UNC13D: variants seen among roughly 807,000 people sequenced by gnomAD.
The protein encoded by UNC13D is protein unc-13 homolog D.
UNC13D carries 115 observed loss-of-function variants against 151.7 expected under a neutral mutation model. That is an observed-to-expected ratio of 0.76 (90% confidence interval 0.65 to 0.88). UNC13D has a LOEUF of 0.88. Ranked by LOEUF, UNC13D falls within the 40% of genes least tolerant of loss-of-function variation. UNC13D has a pLI of 0.00. For synonymous variants in UNC13D, 588 were observed against 612.2 expected (o/e 0.96, Z 0.58); for missense variants, 1,369 against 1,438.7 (o/e 0.95, Z 0.78).
At chr17:75,828,667 C>T in intron 31 of UNC13D, 120 bp downstream of exon 31, 1 of 1,156,872 alleles carries the variant, frequency 8.6e-7, no homozygotes, top group Non-Finnish European at 1.2e-6. Flanking sequence ...CCGTGGCTGT[C>T]CCACTGGCTC....
In UNC13D at chr17:75,833,962, G is replaced by A. The variant is rs1296354586; in HGVS notation, c.2367+113C>T. The stretch of plus-strand genomic sequence containing the variant: ...AGGAGGAAACTGAGGCCCAGGGAGA[G>A]AACATGCTTTGCCTGGTCTGGGGGA... On this transcript the variant is annotated intron_variant, in intron 24 of 31. Coordinates refer to ENST00000207549, the MANE Select transcript of UNC13D (RefSeq NM_199242.3). The surrounding 1 kb of genome is among the most constrained non-coding windows in gnomAD (Gnocchi z 4.0). 3 of 1,369,010 alleles carry A rather than the reference G, an allele frequency of 2.2e-6. No individual in the cohort carries two copies. Among genetic ancestry groups the A allele is most frequent in the Middle Eastern group, 1.8e-4 (1 of 5,614 alleles). The allele number at this position is 1,369,010 out of a possible 1,614,324, so 84.8% of individuals were successfully genotyped here. A position where few individuals can be genotyped will look rare whatever the true frequency, so the allele number is the denominator to read the frequency against.
chr17:75,838,499 G>A (rs1599410738), intron 12 of UNC13D, among the ~76,000 whole-genome samples: 2 of 151,984 alleles, frequency 1.3e-5, no homozygotes, highest in East Asian at 1.9e-4. Context: ...GATTCCAGGC[G>A]CGAGCCACCG....
At position 75,833,018 on chromosome 17, in the gene UNC13D, C is replaced by T. The variant is rs1442019004; in HGVS notation, c.2395G>A (p.Glu799Lys). 3 of 1,605,162 alleles carry T rather than the reference C, an allele frequency of 1.9e-6. No homozygotes were observed. Among genetic ancestry groups the T allele is most frequent in the Non-Finnish European group, 2.5e-6 (3 of 1,176,726 alleles). ...DAILPLMKFLEVELCYMNTNL... is the reference protein window; with the variant it reads ...DAILPLMKFLKVELCYMNTNL... Reference sequence around the variant, plus strand: ...GTGTTCATGTAGCAAAGCTCCACCTCCAGGAACTTCATCAGGGGCAGAATG... The same window carrying T: ...GTGTTCATGTAGCAAAGCTCCACCTTCAGGAACTTCATCAGGGGCAGAATG... The change falls in exon 25 of 32, where the codon GAG becomes AAG. Residue 799 changes from glutamate to lysine, a missense_variant. Transcript: ENST00000207549. The surrounding 1 kb of genome is among the most constrained non-coding windows in gnomAD (Gnocchi z 4.0).
chr17:75,835,913 G>A lies in UNC13D; in HGVS notation c.1545-7C>T. On this transcript the variant is annotated splice_polypyrimidine_tract_variant and splice_region_variant and intron_variant, in intron 17 of 31. Transcript: ENST00000207549. ...GAGGTGGATCTTGAGGGTACTGGAGGAAAGGCAGCAGGTGTCACCCAGTGG... is the reference window on the plus strand; with the variant it reads ...GAGGTGGATCTTGAGGGTACTGGAGAAAAGGCAGCAGGTGTCACCCAGTGG... The A allele has an allele frequency of 1.2e-6, 2 of 1,614,174 alleles. No homozygotes were observed. Among genetic ancestry groups the A allele is most frequent in the Non-Finnish European group, 8.5e-7 (1 of 1,180,034 alleles).
rs1192923237 is a variant in UNC13D, at chr17:75,831,249, G to A, written c.2547C>T (p.Ala849=). 6.2e-7 allele frequency: 1 copy of A among 1,614,078 alleles called. No individual in the cohort carries two copies. Among genetic ancestry groups the A allele is most frequent in the Non-Finnish European group, 8.5e-7 (1 of 1,180,022 alleles). Residue 849 remains alanine, a synonymous_variant, in exon 26 of 32, where the codon GCC becomes GCT. Coordinates refer to ENST00000207549, the MANE Select transcript of UNC13D (RefSeq NM_199242.3). ...SSLASNRLKI[A]LQNLEICFHA... ...CTGTGACCGGTTCTGTTACCTGCAGGGCAATCTTCAGCCTGTTGGAAGCCA... is the reference window on the plus strand; with the variant it reads ...CTGTGACCGGTTCTGTTACCTGCAGAGCAATCTTCAGCCTGTTGGAAGCCA...
intron 12 of UNC13D, 100 bp from the exon 13 acceptor site, chr17:75,837,018 T>A: frequency 3.7e-6 from 2 of 538,668 alleles, no homozygotes; most frequent in Non-Finnish European, 5.3e-6. Context: ...CATCCACCAG[T>A]ACAGGCTGAA....
At chr17:75,829,683 C>G (rs957342346) in intron 30 of UNC13D, 2 of 308,956 alleles carry the variant, frequency 6.5e-6, no homozygotes, top group African/African-American at 2.2e-5. Flanking sequence ...CCTCTGCCTC[C>G]TGGGTTAAGC....
intron 1 of UNC13D, 132 bp downstream of exon 1, chr17:75,844,089 T>G: frequency 6.7e-7 from 1 of 1,496,856 alleles, no homozygotes; most frequent in East Asian, 2.3e-5. Flanking sequence ...CTCCCCAGGG[T>G]GGAGTAGGCA....
chr17:75,839,873 G>C lies in UNC13D; in HGVS notation c.1021C>G (p.Gln341Glu). The change falls in exon 12 of 32, where the codon CAG becomes GAG. Residue 341 changes from glutamine to glutamate, a missense_variant. By Grantham distance (29) the Gln-to-Glu change is conservative (BLOSUM62 2). Coordinates refer to ENST00000207549, the MANE Select transcript of UNC13D (RefSeq NM_199242.3). ...AATVLFLHAT[Q>E]KDLSDFHQSM... ...TGGTGGAAGTCGGATAGGTCCTTCT[G>C]TGTGGCGTGCAGAAAGAGGACGGTG... The C allele has an allele frequency of 6.2e-7, 1 of 1,613,982 alleles. No individual in the cohort carries two copies. Among genetic ancestry groups the C allele is most frequent in the South Asian group, 1.1e-5 (1 of 91,088 alleles).
intron 30 of UNC13D, chr17:75,829,515 G>T (rs1040729343): frequency 1.7e-5 from 3 of 181,162 alleles, no homozygotes; most frequent in African/African-American, 7.2e-5. Context: ...GGATGGTCTT[G>T]ATCTCCTGAC....
In UNC13D at chr17:75,836,275, T is replaced by A. The variant is rs770697244; in HGVS notation, c.1390-19A>T. 1.9e-6 allele frequency: 3 copies of A among 1,612,740 alleles called. No homozygotes were observed. The highest frequency in any genetic ancestry group is 4.5e-5 in the East Asian group (2 of 44,874). On this transcript the variant is annotated intron_variant, in intron 15 of 31. Transcript: ENST00000207549. The stretch of plus-strand genomic sequence containing the variant: ...TGCCAGTCTGTCGACAAAGAGGCAG[T>A]GAGCAGGGAGGGACTGCCAGGCCCA...
chr17:75,838,339 C>A (rs1187400379), intron 12 of UNC13D, among the ~76,000 whole-genome samples: 1 of 152,110 alleles, frequency 6.6e-6, no homozygotes, highest in African/African-American at 2.4e-5. Context: ...GTGCCTCACC[C>A]TCCCGAGTAG....
intron 25 of UNC13D, chr17:75,831,751 A>G: frequency 4.2e-6 from 1 of 236,958 alleles, no homozygotes; most frequent in Non-Finnish European, 8.5e-6. Flanking sequence ...TCAGGAGGTC[A>G]AGAGATTGAG....
Position 75,832,559 on chromosome 17 carries a change from AAT to A in UNC13D, c.2447+405_2447+406del, listed in dbSNP as rs1392435626. 16 of 173,200 alleles carry A rather than the reference AAT, an allele frequency of 9.2e-5. No individual in the cohort carries two copies. Among genetic ancestry groups the A allele is most frequent in the African/African-American group, 3.1e-4 (13 of 42,400 alleles). The allele number at this position is 173,200 out of a possible 1,614,324, so 10.7% of individuals were successfully genotyped here. A position where few individuals can be genotyped will look rare whatever the true frequency, so the allele number is the denominator to read the frequency against. On this transcript the variant is annotated intron_variant, in intron 25 of 31. Coordinates refer to ENST00000207549, the MANE Select transcript of UNC13D (RefSeq NM_199242.3). The surrounding 1 kb of genome is among the most constrained non-coding windows in gnomAD (Gnocchi z 4.3). ...CGTGGGCAGGGACCACCTGTAACCT[AAT>A]GGGGGCAGAGGAGCAGGCAGGGAGG...
rs780530249 is a variant in UNC13D at position 75,835,768 on chromosome 17, G to C, written c.1606C>G (p.Arg536Gly). The C allele has an allele frequency of 6.2e-7, 1 of 1,613,930 alleles. No homozygotes were observed. Among genetic ancestry groups the C allele is most frequent in the Non-Finnish European group, 8.5e-7 (1 of 1,180,024 alleles). ...FRELQWLVAK[R>G]VQDHTTVVGD... ...ACAACCGTCGTGTGGTCCTGCACCC[G>C]CTTGGCCACCTGCAAAGGAAAGGTG... The change falls in exon 19 of 32, where the codon CGG becomes GGG. Residue 536 changes from arginine (R) to glycine (G), a missense_variant. Transcript: ENST00000207549.
At position 75,836,063 on chromosome 17, in the gene UNC13D, A is replaced by C; in HGVS notation, c.1493T>G (p.Val498Gly). 1 of 1,613,862 alleles carries C rather than the reference A, an allele frequency of 6.2e-7. No individual in the cohort carries two copies. The highest frequency in any genetic ancestry group is 8.5e-7 in the Non-Finnish European group (1 of 1,180,026). The change falls in exon 17 of 32, where the codon GTC (valine) becomes GGC (glycine). Residue 498 changes from valine to glycine, a missense_variant. Around this residue, in one of 3 missense-constraint regions of UNC13D, gnomAD observed 807 missense variants for 795.5 expected, o/e 1.01. Coordinates refer to ENST00000207549, the MANE Select transcript of UNC13D (RefSeq NM_199242.3). ...GKALLGLVQD[V>G]IGDLHQCQRT... Reference sequence around the variant, plus strand: ...CTGGCACTGGTGCAGGTCGCCAATGACATCCTGTACCAGGCCCAGCAAGGC... The same window carrying C: ...CTGGCACTGGTGCAGGTCGCCAATGCCATCCTGTACCAGGCCCAGCAAGGC...
At position 75,835,053 on chromosome 17, in the gene UNC13D, AG is replaced by A; in HGVS notation, c.1858del (p.Leu620TrpfsTer4). The A allele has an allele frequency of 6.2e-7, 1 of 1,613,910 alleles. No individual in the cohort carries two copies. The highest frequency in any genetic ancestry group is 1.3e-5 in the African/African-American group (1 of 75,036). ...RAVQMDELVP[L>X]GELTKHSTSA... ...TGTGCTGTGCTTGGTCAGTTCACCC[AG>A]GGGCACCAGCTGGGGGAAGAAAGGA... On this transcript the variant is annotated frameshift_variant, in exon 21 of 32. Transcript: ENST00000207549. LOFTEE classifies it high-confidence loss of function.
Position 75,831,290 on chromosome 17 carries a change from G to A in UNC13D, c.2506C>T (p.Gln836Ter), listed in dbSNP as rs768875290. 1.2e-6 allele frequency: 2 copies of A among 1,613,848 alleles called. No individual in the cohort carries two copies. Among genetic ancestry groups the A allele is most frequent in the African/African-American group, 1.3e-5 (1 of 75,060 alleles). The change falls in exon 26 of 32, where the codon CAG (glutamine) becomes TAG (stop). Residue 836 changes from glutamine to a stop codon, truncating the protein, a stop_gained. Coordinates refer to ENST00000207549, the MANE Select transcript of UNC13D (RefSeq NM_199242.3). LOFTEE classifies it high-confidence loss of function. ...LTVLVEAAASQRSSSLASNRL... is the reference protein window; with the variant it reads ...LTVLVEAAAS ...TTGGAAGCCAGGGATGAGCTGCGCT[G>A]GGAGGCGGCCGCCTCCACCAGCACT...
rs1441185774 is a variant in UNC13D, at chr17:75,833,402, C to A, written c.2368-357G>T. On this transcript the variant is annotated intron_variant, in intron 24 of 31. Transcript: ENST00000207549. This position sits in a 1 kb window ranked among gnomAD's most constrained non-coding sequence, Gnocchi z 4.0. ...AGTTGTCACGGCCTTCCCTGGCCAC[C>A]ATCTAAAAATACAACCCTCTGACAC... The A allele has an allele frequency of 4.1e-6, 1 of 244,674 alleles. No individual in the cohort carries two copies. The highest frequency in any genetic ancestry group is 8.3e-6 in the Non-Finnish European group (1 of 120,894). The allele number at this position is 244,674 out of a possible 1,614,324, so 15.2% of individuals were successfully genotyped here. A position where few individuals can be genotyped will look rare whatever the true frequency, so the allele number is the denominator to read the frequency against.
Sources: gnomAD v4.1 joint callset for allele counts (sites outside exome capture counted in the v4.1 genomes callset) on GRCh38, gnomAD v4.1.1 for gene constraint, gnomAD v4.1.1 regional missense constraint, Gnocchi (gnomAD v3.1) non-coding constraint, MANE v1.5 for transcripts, NCBI Gene and HGNC (gene_info 2026-07-23, HGNC 2026-07-21) for gene names.